WTAP: variants seen among roughly 807,000 people sequenced by gnomAD.
WTAP encodes WT1 associated protein.
Under a neutral mutation model 50.0 loss-of-function variants are expected in WTAP, and 8 were observed. That is an observed-to-expected ratio of 0.16 (90% CI 0.09 to 0.29). WTAP has a LOEUF of 0.29. WTAP is among the 10% of genes least tolerant of loss of function. WTAP has a pLI of 1.00. For synonymous variants in WTAP, 194 were observed against 169.0 expected (o/e 1.15, Z -1.15); for missense variants, 295 against 470.7 (o/e 0.63, Z 3.45).
chr6:159,753,113 A>G (rs1259344821), intron 6 of WTAP, among the ~76,000 whole-genome samples: 1 of 152,202 alleles, frequency 6.6e-6, no homozygotes, highest in Non-Finnish European at 1.5e-5. Flanking sequence ...CCTTAGTGTA[A>G]TAATACTGGT....
chr6:159,741,971 TG>T, intron 3 of WTAP, 116 bp from the exon 4 acceptor site: 1 of 783,648 alleles, frequency 1.3e-6, no homozygotes, highest in Non-Finnish European at 2.0e-6. Flanking sequence ...AGATTTAAAA[TG>T]AAAAATCCAG....
At chr6:159,731,617 T>A (rs554369803) in intron 1 of WTAP, among the ~76,000 whole-genome samples, 1 of 152,362 alleles carries the variant, frequency 6.6e-6, no homozygotes, top group South Asian at 2.1e-4. Flanking sequence ...CTCTTCAGGT[T>A]TTTCAAGAAA....
chr6:159,730,464 G>C (rs1260111428), intron 1 of WTAP, among the ~76,000 whole-genome samples: 1 of 151,974 alleles, frequency 6.6e-6, no homozygotes, highest in Non-Finnish European at 1.5e-5. Flanking sequence ...ATTGCCCTGG[G>C]GAATACCAAA....
At position 159,736,225 on chromosome 6, in the gene WTAP, A is replaced by G. The variant is rs775833826; in HGVS notation, c.-8-33A>G. On this transcript the variant is annotated intron_variant, in intron 1 of 7. Coordinates refer to ENST00000621533, the MANE Select transcript of WTAP (RefSeq NM_001270531.2). The stretch of plus-strand genomic sequence containing the variant: ...TCCTACTTTCACTGGAAGAAAATAA[A>G]TTGAACTTGTTTTCCGCAACTTTTT... The G allele has an allele frequency of 3.2e-6, 5 of 1,577,562 alleles. No homozygotes were observed. In the African/African-American group the frequency reaches 6.8e-5, roughly 21 times the overall value.
rs1203750671 is a variant in WTAP, at chr6:159,756,071, CAGT to C, written c.*464_*466del. 1.3e-5 allele frequency: 2 copies of C among 154,094 alleles called. No individual in the cohort carries two copies. The highest frequency in any genetic ancestry group is 6.5e-5 in the Admixed American group (1 of 15,444). The allele number at this position is 154,094 out of a possible 1,614,324, so 9.5% of individuals were successfully genotyped here. A position where few individuals can be genotyped will look rare whatever the true frequency, so the allele number is the denominator to read the frequency against. On this transcript the variant is annotated 3_prime_UTR_variant, in exon 8 of 8. Coordinates refer to ENST00000621533, the MANE Select transcript of WTAP (RefSeq NM_001270531.2). Reference sequence around the variant, plus strand: ...TTATGACTGCCAAGTTTGCCCAGTACAGTAGTTTTTTATCACTAAAAGTTGGAC... The same window carrying C: ...TTATGACTGCCAAGTTTGCCCAGTACAGTTTTTTATCACTAAAAGTTGGAC...
At chr6:159,740,248 A>G (rs958554332) in intron 3 of WTAP, among the ~76,000 whole-genome samples, 6 of 152,036 alleles carry the variant, frequency 3.9e-5, no homozygotes, top group African/African-American at 7.2e-5. Flanking sequence ...ATTTAACTGT[A>G]GGAGGGGAAA....
At chr6:159,741,446 A>T (rs1264999327) in intron 3 of WTAP, 1 of 152,228 alleles carries the variant, frequency 6.6e-6, no homozygotes, top group Admixed American at 6.5e-5. Flanking sequence ...CTACATAATG[A>T]GGCACATTTC....
intron 4 of WTAP, among the ~76,000 whole-genome samples, chr6:159,743,435 G>A (rs555916700): frequency 5.9e-4 from 90 of 152,220 alleles, no homozygotes; most frequent in Non-Finnish European, 1.1e-3. Flanking sequence ...TCTGTTGGGA[G>A]TAGATGAAAC....
chr6:159,741,908 C>A, intron 3 of WTAP, 180 bp from the exon 4 acceptor site: 1 of 493,290 alleles, frequency 2.0e-6, no homozygotes, highest in Non-Finnish European at 3.6e-6. Flanking sequence ...CCTGTTTGCG[C>A]CACGCTGCAC....
At chr6:159,742,623 TCTCA>T (rs1779327299) in intron 4 of WTAP, among the ~76,000 whole-genome samples, 2 of 152,192 alleles carry the variant, frequency 1.3e-5, no homozygotes, top group Non-Finnish European at 2.9e-5. Flanking sequence ...GCCATTTTAG[TCTCA>T]CTTTTTACTG....
intron 1 of WTAP, among the ~76,000 whole-genome samples, chr6:159,727,908 T>TCCGTCCC (rs1778307208): frequency 6.6e-6 from 1 of 152,212 alleles, no homozygotes; most frequent in Non-Finnish European, 1.5e-5. Context: ...ATCTCTGTCC[T>TCCGTCCC]CCGTCCCCAA....
At position 159,755,228 on chromosome 6, in the gene WTAP, T is replaced by C. The variant is rs954041350; in HGVS notation, c.808T>C (p.Cys270Arg). 18 of 1,614,072 alleles carry C rather than the reference T, an allele frequency of 1.1e-5. No homozygotes were observed. The highest frequency in any genetic ancestry group is 2.7e-5 in the African/African-American group (2 of 74,930). ...ACAGTCAGAGGCCACAAGTAAAGAC[T>C]GCAGTCGTCTGACAAACGGACCAAG... The part of the protein sequence containing the change: ...VEQSEATSKD[C>R]SRLTNGPSNG... Residue 270 changes from cysteine to arginine, a missense_variant, in exon 8 of 8, where the codon TGC becomes CGC. Coordinates refer to ENST00000621533, the MANE Select transcript of WTAP (RefSeq NM_001270531.2).
intron 1 of WTAP, among the ~76,000 whole-genome samples, chr6:159,734,482 TTAAAG>T (rs768744679): frequency 4.1e-4 from 63 of 152,206 alleles, no homozygotes; most frequent in Non-Finnish European, 6.5e-4. Flanking sequence ...CATAAACACT[TTAAAG>T]TAAGGGAAGA....
At position 159,727,530 on chromosome 6, in the gene WTAP, G is replaced by C; in HGVS notation, c.-182G>C. On this transcript the variant is annotated 5_prime_UTR_variant, in exon 1 of 8. Transcript: ENST00000621533. Reference sequence around the variant, plus strand: ...CCTCCCTCAGCGCCATTTTGTGGCAGCGAGACCCACAAATAAAGGGGAGCG... The same window carrying C: ...CCTCCCTCAGCGCCATTTTGTGGCACCGAGACCCACAAATAAAGGGGAGCG... The C allele has an allele frequency of 2.0e-6, 2 of 992,194 alleles. No individual in the cohort carries two copies. The highest frequency in any genetic ancestry group is 2.4e-6 in the Non-Finnish European group (2 of 835,142). 61.5% of individuals were successfully genotyped at this position (992,194 alleles called of 1,614,324 possible).
chr6:159,746,589 A>G (rs1031398997), intron 5 of WTAP, among the ~76,000 whole-genome samples: 3 of 152,276 alleles, frequency 2.0e-5, no homozygotes, highest in East Asian at 1.9e-4. Flanking sequence ...TCAGTAGTCA[A>G]TTTAGTTAGT....
chr6:159,728,282 C>T (rs573213512), intron 1 of WTAP, among the ~76,000 whole-genome samples: 3 of 151,616 alleles, frequency 2.0e-5, no homozygotes, highest in East Asian at 1.9e-4. Context: ...TTTTTTTCAC[C>T]GTTTTTCATA....
chr6:159,741,992 C>A (rs916568654), intron 3 of WTAP, 96 bp from the exon 4 acceptor site: 50 of 866,004 alleles, frequency 5.8e-5, no homozygotes, highest in Non-Finnish European at 6.9e-5. Flanking sequence ...GAAGAATGCT[C>A]AGTATTACTA....
chr6:159,745,825 CA>C (rs1387259800), intron 5 of WTAP, among the ~76,000 whole-genome samples: 2 of 152,116 alleles, frequency 1.3e-5, no homozygotes, highest in Admixed American at 1.3e-4. Flanking sequence ...AGATGAAATA[CA>C]TGAAGCCACT....
At chr6:159,750,515 A>C (rs1278458244) in intron 6 of WTAP, among the ~76,000 whole-genome samples, 1 of 152,236 alleles carries the variant, frequency 6.6e-6, no homozygotes, top group Admixed American at 6.5e-5. Flanking sequence ...AACTGCTATT[A>C]CTTTTTCTTG....
Sources: gnomAD v4.1 joint callset for allele counts (sites outside exome capture counted in the v4.1 genomes callset) on GRCh38, gnomAD v4.1.1 for gene constraint, MANE v1.5 for transcripts, NCBI Gene and HGNC (gene_info 2026-07-23, HGNC 2026-07-21) for gene names.